PABPC4L: variants seen among roughly 807,000 people sequenced by gnomAD.
The protein encoded by PABPC4L is poly(A) binding protein cytoplasmic 4 like, also known as polyadenylate-binding protein 4-like.
For missense variants in PABPC4L, 452 were observed against 451.4 expected, an observed-to-expected ratio of 1.00 and a Z score of -0.01; for synonymous variants, 169 against 164.1, an observed-to-expected ratio of 1.03 and a Z score of -0.23.
chr4:133,951,495 T>C, the PABPC4L span, among the ~76,000 whole-genome samples: 3 of 152,230 alleles, frequency 2.0e-5, no homozygotes, highest in Admixed American at 6.5e-5. Context: ...GACTCTCCTC[T>C]ACCAGCAGGG....
the PABPC4L span, among the ~76,000 whole-genome samples, chr4:134,083,546 C>T: frequency 5.9e-5 from 9 of 152,180 alleles, no homozygotes; most frequent in South Asian, 2.1e-4. Flanking sequence ...GGCAGGTTTC[C>T]GCAGCTGTCT....
At chr4:133,983,520 A>G in the PABPC4L span, among the ~76,000 whole-genome samples, 1 of 151,914 alleles carries the variant, frequency 6.6e-6, no homozygotes, top group Admixed American at 6.6e-5. Flanking sequence ...AACACAATTA[A>G]TATTTGATAA....
At chr4:134,057,446 A>G in the PABPC4L span, among the ~76,000 whole-genome samples, 1 of 152,056 alleles carries the variant, frequency 6.6e-6, no homozygotes, top group African/African-American at 2.4e-5. Flanking sequence ...GGCCTCATCT[A>G]GCACTCTGAC....
At chr4:134,083,532 T>C in the PABPC4L span, among the ~76,000 whole-genome samples, 13 of 152,156 alleles carry the variant, frequency 8.5e-5, no homozygotes, top group South Asian at 1.0e-3. Flanking sequence ...GGGACATTCC[T>C]GAAGGCAGGT....
chr4:133,965,833 A>G, the PABPC4L span, among the ~76,000 whole-genome samples: 1 of 152,218 alleles, frequency 6.6e-6, no homozygotes, highest in Non-Finnish European at 1.5e-5. Context: ...AGATGGATCA[A>G]TGACTTAACT....
At chr4:133,965,843 T>C in the PABPC4L span, among the ~76,000 whole-genome samples, 3 of 152,136 alleles carry the variant, frequency 2.0e-5, no homozygotes, top group African/African-American at 7.2e-5. Flanking sequence ...ATGACTTAAC[T>C]AAGACTTGAA....
At chr4:134,023,804 A>G in the PABPC4L span, among the ~76,000 whole-genome samples, 1 of 152,236 alleles carries the variant, frequency 6.6e-6, no homozygotes, top group Admixed American at 6.5e-5. Flanking sequence ...AAGAGTAAGA[A>G]GTCACAGATC....
chr4:134,039,686 C>T, the PABPC4L span, among the ~76,000 whole-genome samples: 1 of 152,062 alleles, frequency 6.6e-6, no homozygotes. Context: ...AAATATTCCT[C>T]TATCCCTTTA....
chr4:134,129,341 A>G, the PABPC4L span, among the ~76,000 whole-genome samples: 1 of 152,138 alleles, frequency 6.6e-6, no homozygotes, highest in African/African-American at 2.4e-5. Context: ...AGATATTTAC[A>G]GAACATTCTA....
the PABPC4L span, among the ~76,000 whole-genome samples, chr4:133,967,085 G>A: frequency 6.6e-6 from 1 of 151,944 alleles, no homozygotes; most frequent in Non-Finnish European, 1.5e-5. Context: ...AAAGGTAAAT[G>A]GTAATGATAT....
chr4:134,149,371 GA>G, the PABPC4L span, among the ~76,000 whole-genome samples: 1 of 152,106 alleles, frequency 6.6e-6, no homozygotes, highest in Admixed American at 6.6e-5. Context: ...AATATTGGAG[GA>G]CTTTGAGGCT....
the PABPC4L span, among the ~76,000 whole-genome samples, chr4:134,110,114 A>G: frequency 1.3e-5 from 2 of 152,068 alleles, no homozygotes; most frequent in Non-Finnish European, 2.9e-5. Context: ...AAATGCAACT[A>G]AATAACCAGA....
the PABPC4L span, among the ~76,000 whole-genome samples, chr4:133,969,329 C>A: frequency 2.0e-5 from 3 of 151,906 alleles, no homozygotes; most frequent in Admixed American, 2.0e-4. Context: ...AAAATCATAC[C>A]CCATTTAAAA....
chr4:134,153,079 A>C, the PABPC4L span, among the ~76,000 whole-genome samples: 1 of 152,188 alleles, frequency 6.6e-6, no homozygotes, highest in Non-Finnish European at 1.5e-5. Flanking sequence ...ACTTTCCATG[A>C]GGCTCCACCT....
At chr4:134,108,454 G>T in the PABPC4L span, among the ~76,000 whole-genome samples, 1 of 151,852 alleles carries the variant, frequency 6.6e-6, no homozygotes, top group Non-Finnish European at 1.5e-5. Context: ...CCTTGGGTCT[G>T]ACATTACTTA....
chr4:134,063,807 C>T, the PABPC4L span, among the ~76,000 whole-genome samples: 1 of 151,914 alleles, frequency 6.6e-6, no homozygotes, highest in Admixed American at 6.6e-5. Context: ...GCTTATCTTT[C>T]CTACTAATAA....
At chr4:134,160,140 T>TGGGCAA in the PABPC4L span, among the ~76,000 whole-genome samples, 1,925 of 152,138 alleles carry the variant, frequency 0.013, 40 homozygotes, top group African/African-American at 0.041. Context: ...CCACAAGCCT[T>TGGGCAA]GGGCAAGGTT....
chr4:134,024,479 A>G, the PABPC4L span, among the ~76,000 whole-genome samples: 1 of 152,126 alleles, frequency 6.6e-6, no homozygotes, highest in African/African-American at 2.4e-5. Context: ...TTGTTTTCAC[A>G]TGGCCTCTCT....
chr4:134,135,291 T>C, the PABPC4L span, among the ~76,000 whole-genome samples: 2 of 152,108 alleles, frequency 1.3e-5, no homozygotes, highest in Admixed American at 1.3e-4. Flanking sequence ...ACCATCTGCT[T>C]CTTAAATGCA....
Sources: allele counts gnomAD v4.1 joint callset (sites outside exome capture counted in the v4.1 genomes callset), GRCh38; gene constraint gnomAD v4.1.1; transcripts MANE v1.5; gene names NCBI Gene and HGNC (gene_info 2026-07-23, HGNC 2026-07-21).